The following RAP1GAP variants were observed in gnomAD, a reference collection of about 807,000 sequenced individuals.
The protein encoded by RAP1GAP is rap1 GTPase-activating protein 1.
RAP1GAP carries 35 observed loss-of-function variants against 87.2 expected under a neutral mutation model. That is an observed-to-expected ratio of 0.40 (90% CI 0.31 to 0.53). RAP1GAP has a LOEUF of 0.53. RAP1GAP is among the 20% of genes least tolerant of loss of function. The pLI is 0.48. For synonymous variants in RAP1GAP, 375 were observed against 363.9 expected (o/e 1.03, Z -0.35); for missense variants, 734 against 898.9 (o/e 0.82, Z 2.35).
At chr1:21,654,774 G>A (rs1278707301) in intron 1 of RAP1GAP, among the ~76,000 whole-genome samples, 1 of 152,108 alleles carries the variant, frequency 6.6e-6, no homozygotes, top group East Asian at 1.9e-4. Context: ...TGAGGCTGCA[G>A]TGAGCCCTGA....
rs1319531846 is a variant in RAP1GAP at position 21,609,519 on chromosome 1, C to T, written c.1071+56G>A. ...CATAAGGCAGAATGTGTATGCACCC[C>T]CCAGGCCCCCACCCATTTGTCCTGC... On this transcript the variant is annotated intron_variant, in intron 15 of 24. Coordinates refer to ENST00000374765, the MANE Select transcript of RAP1GAP (RefSeq NM_002885.4). This position sits in a 1 kb window ranked among gnomAD's most constrained non-coding sequence, Gnocchi z 4.4. The T allele has an allele frequency of 9.2e-7, 1 of 1,088,130 alleles. No individual in the cohort carries two copies. The highest frequency in any genetic ancestry group is 1.6e-5 in the African/African-American group (1 of 61,800). The allele number at this position is 1,088,130 out of a possible 1,614,324, so 67.4% of individuals were successfully genotyped here. A position where few individuals can be genotyped will look rare whatever the true frequency, so the allele number is the denominator to read the frequency against.
intron 1 of RAP1GAP, chr1:21,651,828 C>A (rs998774885): frequency 3.3e-5 from 39 of 1,199,260 alleles, no homozygotes; most frequent in Non-Finnish European, 4.0e-5. Flanking sequence ...CTCATGGTGC[C>A]GCCGCCGCCG....
chr1:21,633,083 C>A (rs553517218), intron 2 of RAP1GAP, among the ~76,000 whole-genome samples: 1 of 152,340 alleles, frequency 6.6e-6, no homozygotes, highest in East Asian at 1.9e-4. Flanking sequence ...AATGTACCCA[C>A]CTCATAGAGT....
At position 21,620,163 on chromosome 1, in the gene RAP1GAP, C is replaced by T; in HGVS notation, c.-18-113G>A. On this transcript the variant is annotated intron_variant, in intron 3 of 24. Coordinates refer to ENST00000374765, the MANE Select transcript of RAP1GAP (RefSeq NM_002885.4). ...CAGCTCTGATCAGTGACCGAGGCAC[C>T]TGTCTGAGTAGCAAGCGGGAGTGAC... 2.7e-6 allele frequency: 3 copies of T among 1,114,010 alleles called. No individual in the cohort carries two copies. The South Asian group carries it at 4.0e-5, about 15-fold the overall frequency. The allele number at this position is 1,114,010 out of a possible 1,614,324, so 69.0% of individuals were successfully genotyped here.
chr1:21,664,297 C>T (rs1346091808), intron 1 of RAP1GAP, among the ~76,000 whole-genome samples: 1 of 152,214 alleles, frequency 6.6e-6, no homozygotes. Flanking sequence ...GCCATCCTTA[C>T]ACAGCAGTGG....
intron 17 of RAP1GAP, among the ~76,000 whole-genome samples, 192 bp from the exon 18 acceptor site, chr1:21,606,389 G>A (rs568081853): frequency 6.6e-5 from 10 of 152,220 alleles, no homozygotes; most frequent in South Asian, 2.1e-4. Flanking sequence ...TTCCCTGTGC[G>A]TCACATGAGA....
chr1:21,607,893 T>C (rs765006997), intron 17 of RAP1GAP, among the ~76,000 whole-genome samples: 54 of 142,318 alleles, frequency 3.8e-4, no homozygotes, highest in Admixed American at 7.7e-4. Flanking sequence ...CCCCGGCCCC[T>C]GACTCCACCC....
At position 21,626,294 on chromosome 1, in the gene RAP1GAP, G is replaced by A. The variant is rs1301500294; in HGVS notation, c.-19+10C>T. The A allele has an allele frequency of 1.0e-5, 16 of 1,587,028 alleles. No homozygotes were observed. The highest frequency in any genetic ancestry group is 1.4e-5 in the Non-Finnish European group (16 of 1,155,500). ...GACCAGGGGCCGTAGGTATGGAGGG[G>A]GACACTTACCTTAGGGTAGAGTGAA... On this transcript the variant is annotated intron_variant, in intron 3 of 24. Transcript: ENST00000374765.
At position 21,613,891 on chromosome 1, in the gene RAP1GAP, G is replaced by A. The variant is rs1238206370; in HGVS notation, c.395+95C>T. ...TCAAGCAAATCCCTGCCCCTCTATG[G>A]GCCTTGATGAAGAGAGTGGGTCAAA... On this transcript the variant is annotated intron_variant, in intron 8 of 24. Transcript: ENST00000374765. This position sits in a 1 kb window ranked among gnomAD's most constrained non-coding sequence, Gnocchi z 4.7. The A allele has an allele frequency of 8.1e-7, 1 of 1,237,986 alleles. No homozygotes were observed. Among genetic ancestry groups the A allele is most frequent in the African/African-American group, 1.5e-5 (1 of 66,910 alleles). The allele number at this position is 1,237,986 out of a possible 1,614,324, so 76.7% of individuals were successfully genotyped here.
At chr1:21,656,260 G>A (rs1243579905) in intron 1 of RAP1GAP, among the ~76,000 whole-genome samples, 4 of 151,738 alleles carry the variant, frequency 2.6e-5, no homozygotes, top group South Asian at 2.1e-4. Flanking sequence ...GTGAAACCCC[G>A]TCTCTATTAA....
At chr1:21,598,104 G>A (rs1203155186) in intron 22 of RAP1GAP, 40 bp from the exon 23 acceptor site, 3 of 1,342,308 alleles carry the variant, frequency 2.2e-6, no homozygotes, top group East Asian at 2.5e-5. Flanking sequence ...CACTGGCCGC[G>A]GGGAGGCACC....
At chr1:21,614,270 G>C (rs965592771) in intron 7 of RAP1GAP, among the ~76,000 whole-genome samples, 181 bp from the exon 8 acceptor site, 4 of 152,194 alleles carry the variant, frequency 2.6e-5, no homozygotes, top group Non-Finnish European at 5.9e-5. Flanking sequence ...CCACTGACCA[G>C]CTGGGCAGCC....
At position 21,599,476 on chromosome 1, in the gene RAP1GAP, C is replaced by G. The variant is rs768273439; in HGVS notation, c.1776+18G>C. On this transcript the variant is annotated intron_variant, in intron 21 of 24. Transcript: ENST00000374765. ...TTCCAAGCTCCTGTGGGGCCCCTGA[C>G]CCCCCTGAGCCTCTCACCAGGCCTG... 6.2e-7 allele frequency: 1 copy of G among 1,600,150 alleles called. No individual in the cohort carries two copies. The highest frequency in any genetic ancestry group is 8.5e-7 in the Non-Finnish European group (1 of 1,176,306).
chr1:21,621,528 T>C (rs1055436438), intron 3 of RAP1GAP, among the ~76,000 whole-genome samples: 12 of 152,134 alleles, frequency 7.9e-5, no homozygotes, highest in South Asian at 2.1e-4. Context: ...CAGGAGTCCA[T>C]AGGACACCTT....
chr1:21,638,072 G>C (rs1013520216), intron 2 of RAP1GAP, among the ~76,000 whole-genome samples: 6 of 150,270 alleles, frequency 4.0e-5, no homozygotes, highest in Non-Finnish European at 8.9e-5. Context: ...GACTGATTGA[G>C]CCTGAGAGGT....
chr1:21,624,011 GTGTT>G (rs981914091), intron 3 of RAP1GAP, among the ~76,000 whole-genome samples: 7 of 152,226 alleles, frequency 4.6e-5, no homozygotes, highest in Non-Finnish European at 8.8e-5. Flanking sequence ...ATGGGAATTT[GTGTT>G]TGTACATGTG....
Position 21,615,880 on chromosome 1 carries a change from T to TG in RAP1GAP, c.291+1425dup, listed in dbSNP as rs1167520146. 1.3e-5 allele frequency among the ~76,000 whole-genome samples: 2 copies of TG among 152,180 alleles called. No homozygotes were observed. Among genetic ancestry groups the TG allele is most frequent in the East Asian group, 3.8e-4 (2 of 5,198 alleles). ...CCTGCCAGACCCAGCTGGGAACCTC[T>TG]GGACAGCAGGTGCCTAGGATGCAGG... On this transcript the variant is annotated intron_variant, in intron 7 of 24. Transcript: ENST00000374765. The surrounding 1 kb of genome is among the most constrained non-coding windows in gnomAD (Gnocchi z 4.5).
At chr1:21,599,873 T>G (rs1354597336) in intron 20 of RAP1GAP, among the ~76,000 whole-genome samples, 6 of 152,122 alleles carry the variant, frequency 3.9e-5, no homozygotes, top group Non-Finnish European at 2.9e-5. Context: ...GCCTCCCATT[T>G]CCCCAGGTAA....
chr1:21,642,314 G>A lies in RAP1GAP; in HGVS notation c.-113+7447C>T, dbSNP rs114527574. The stretch of plus-strand genomic sequence containing the variant: ...CATGACCGCGATGATGGCAGTAACC[G>A]CAATAGCTGGCATCGACGGAGTACG... On this transcript the variant is annotated intron_variant, in intron 2 of 24. Transcript: ENST00000374765. Among the ~76,000 whole-genome samples the A allele has an allele frequency of 7.4e-3, 1,132 of 152,334 alleles. 12 individuals are homozygous for A. The highest frequency in any genetic ancestry group is 0.026 in the African/African-American group (1,076 of 41,572).
Sources: allele counts gnomAD v4.1 joint callset (sites outside exome capture counted in the v4.1 genomes callset), GRCh38; gene constraint gnomAD v4.1.1; non-coding constraint Gnocchi (gnomAD v3.1); transcripts MANE v1.5; gene names NCBI Gene and HGNC (gene_info 2026-07-23, HGNC 2026-07-21).